Variants in ASTN2 observed in about 807,000 individuals in gnomAD.
ASTN2 encodes astrotactin 2, also known as astrotactin-2.
Under a neutral mutation model 139.8 loss-of-function variants are expected in ASTN2, and 54 were observed. The ratio of observed to expected loss-of-function variants is 0.39; its 90% CI spans 0.31 to 0.48. The LOEUF (loss-of-function observed/expected upper bound fraction) is 0.48, where lower values mean the gene tolerates loss of function less well. Among genes scored for constraint, ASTN2 ranks in the 20% least tolerant of loss-of-function variants. The probability of loss-of-function intolerance (pLI) is 0.95; values close to 1 mark genes in which losing one functional copy is unlikely to be tolerated. For missense variants in ASTN2, 1,565 were observed against 1,725.1 expected (o/e 0.91, Z 1.64); for synonymous variants, 756 against 719.5 (o/e 1.05, Z -0.81).
At chr9:117,380,073 T>G (rs1489582712) in intron 1 of ASTN2, among the ~76,000 whole-genome samples, 3 of 152,078 alleles carry the variant, frequency 2.0e-5, no homozygotes, top group African/African-American at 7.2e-5. Context: ...TGAGAGGATA[T>G]AGCAGGAGAA....
At chr9:117,386,569 G>T (rs1830405646) in intron 1 of ASTN2, among the ~76,000 whole-genome samples, 1 of 152,184 alleles carries the variant, frequency 6.6e-6, no homozygotes, top group Non-Finnish European at 1.5e-5. Context: ...TTGGACTGCA[G>T]TTCTGGGAAG....
intron 5 of ASTN2, among the ~76,000 whole-genome samples, chr9:117,045,036 T>C (rs556035639): frequency 6.6e-6 from 1 of 152,236 alleles, no homozygotes; most frequent in Non-Finnish European, 1.5e-5. Context: ...TCCCACTTTA[T>C]CATGGAATAA....
chr9:116,701,164 G>T (rs1861154452), intron 16 of ASTN2: 1 of 167,088 alleles, frequency 6.0e-6, no homozygotes, highest in Non-Finnish European at 1.5e-5. Flanking sequence ...AAGAGCAACT[G>T]CCTTACTTTG....
At chr9:116,808,277 T>TTGTGTGTGTGTG (rs10553571) in intron 12 of ASTN2, among the ~76,000 whole-genome samples, 2 of 149,584 alleles carry the variant, frequency 1.3e-5, no homozygotes, top group Non-Finnish European at 3.0e-5. Context: ...TAAATACATA[T>TTGTGTGTGTGTG]TGTGTGTGTG....
At chr9:116,940,486 G>A (rs1835192915) in intron 10 of ASTN2, among the ~76,000 whole-genome samples, 1 of 152,108 alleles carries the variant, frequency 6.6e-6, no homozygotes, top group African/African-American at 2.4e-5. Flanking sequence ...CTGATTCTGT[G>A]TAGTCCTAAG....
At chr9:116,769,625 G>A (rs1251393339) in intron 13 of ASTN2, among the ~76,000 whole-genome samples, 4 of 152,166 alleles carry the variant, frequency 2.6e-5, no homozygotes, top group Non-Finnish European at 4.4e-5. Context: ...TTAGGCAGGA[G>A]AAGAAACACC....
Position 116,699,821 on chromosome 9 carries a change from G to A in ASTN2, c.2806+25950C>T. ...CCTATGTCCTGATTCCAGCTGGGTA[G>A]TTCTAGAACTTCAGAAGCTCCATCT... is the stretch of plus-strand genomic sequence containing the variant. On this transcript the variant is annotated intron_variant, in intron 16 of 22. Transcript: ENST00000313400. The surrounding 1 kb of genome is among the most constrained non-coding windows in gnomAD (Gnocchi z 4.2). The A allele has an allele frequency of 8.5e-6, 12 of 1,406,098 alleles. No homozygotes were observed. The highest frequency in any genetic ancestry group is 1.1e-5 in the Non-Finnish European group (11 of 1,012,434). 87.1% of individuals were successfully genotyped at this position (1,406,098 alleles called of 1,614,324 possible).
chr9:116,968,273 T>G (rs1040046708), intron 10 of ASTN2, among the ~76,000 whole-genome samples: 1 of 152,170 alleles, frequency 6.6e-6, no homozygotes, highest in Admixed American at 6.5e-5. Flanking sequence ...GTACCTGGTG[T>G]GCATTTGTTG....
At chr9:116,701,920 A>T (rs1827829008) in intron 16 of ASTN2, among the ~76,000 whole-genome samples, 2 of 140,888 alleles carry the variant, frequency 1.4e-5, no homozygotes, top group Non-Finnish European at 1.5e-5. Flanking sequence ...AAGCAGCAGT[A>T]CCCTTGTCCA....
At chr9:117,084,317 C>T (rs1828506262) in intron 5 of ASTN2, among the ~76,000 whole-genome samples, 1 of 152,138 alleles carries the variant, frequency 6.6e-6, no homozygotes, top group Non-Finnish European at 1.5e-5. Flanking sequence ...TATAAACTAC[C>T]AGAACCTTCT....
At chr9:116,470,305 CTGT>C (rs1488344454) in intron 20 of ASTN2, among the ~76,000 whole-genome samples, 2 of 152,048 alleles carry the variant, frequency 1.3e-5, no homozygotes, top group Non-Finnish European at 2.9e-5. Context: ...TTCTGAGGCC[CTGT>C]GAAGGGGAAG....
At chr9:117,296,300 AAAAG>A (rs1192675911) in intron 1 of ASTN2, among the ~76,000 whole-genome samples, 76 of 120,964 alleles carry the variant, frequency 6.3e-4, no homozygotes, top group African/African-American at 1.7e-3. Flanking sequence ...AAAAAAAAAA[AAAAG>A]AAAGAAAGAA....
chr9:116,804,804 T>G (rs978918408), intron 13 of ASTN2, among the ~76,000 whole-genome samples: 1 of 152,152 alleles, frequency 6.6e-6, no homozygotes, highest in Admixed American at 6.5e-5. Context: ...TCTTTTTTTT[T>G]ATGCAAACAT....
At chr9:116,482,353 C>A (rs1323112549) in intron 20 of ASTN2, among the ~76,000 whole-genome samples, 1 of 152,034 alleles carries the variant, frequency 6.6e-6, no homozygotes, top group Non-Finnish European at 1.5e-5. Context: ...AACAAAAAAA[C>A]ACTACCCTAT....
intron 1 of ASTN2, among the ~76,000 whole-genome samples, chr9:117,389,179 T>A (rs564230824): frequency 1.3e-5 from 2 of 152,244 alleles, no homozygotes; most frequent in Admixed American, 6.5e-5. Context: ...ATTTCCTATA[T>A]GAAAGAAGCT....
At chr9:116,436,214 A>G in intron 22 of ASTN2, among the ~76,000 whole-genome samples, 1 of 152,140 alleles carries the variant, frequency 6.6e-6, no homozygotes, top group South Asian at 2.1e-4. Context: ...AGGACATTGC[A>G]TTTTTTGGAA....
At chr9:116,641,789 C>T (rs909207259) in intron 17 of ASTN2, among the ~76,000 whole-genome samples, 4 of 152,022 alleles carry the variant, frequency 2.6e-5, no homozygotes, top group Non-Finnish European at 5.9e-5. Flanking sequence ...GTATTAAGTT[C>T]CTCTTTTGTA....
At chr9:117,190,435 C>T (rs1322720137) in intron 3 of ASTN2, among the ~76,000 whole-genome samples, 1 of 152,162 alleles carries the variant, frequency 6.6e-6, no homozygotes, top group Admixed American at 6.5e-5. Context: ...CCAAATCACT[C>T]CTTCTCAGTT....
chr9:116,916,500 C>A (rs545331602), intron 10 of ASTN2, among the ~76,000 whole-genome samples: 1 of 152,126 alleles, frequency 6.6e-6, no homozygotes, highest in South Asian at 2.1e-4. Context: ...AGTCTTTGGC[C>A]GTCTGACACC....
Sources: gnomAD v4.1 joint callset for allele counts (sites outside exome capture counted in the v4.1 genomes callset) on GRCh38, gnomAD v4.1.1 for gene constraint, Gnocchi (gnomAD v3.1) non-coding constraint, MANE v1.5 for transcripts, NCBI Gene and HGNC (gene_info 2026-07-23, HGNC 2026-07-21) for gene names.